The following MGAT4C variants were observed in gnomAD, a reference collection of about 807,000 sequenced individuals.
The protein encoded by MGAT4C is alpha-1,3-mannosyl-glycoprotein 4-beta-N-acetylglucosaminyltransferase C.
MGAT4C carries 19 observed loss-of-function variants against 40.1 expected under a neutral mutation model. The observed-to-expected ratio is 0.47, with a 90% confidence interval of 0.33 to 0.70. The LOEUF is 0.70. Among genes scored for constraint, MGAT4C ranks in the 30% least tolerant of loss-of-function variants. The pLI is 0.02. For missense variants in MGAT4C, 491 were observed against 563.2 expected (o/e 0.87, Z 1.30); for synonymous variants, 181 against 187.1 (o/e 0.97, Z 0.27).
chr12:86,169,401 A>G (rs534466984), intron 1 of MGAT4C, among the ~76,000 whole-genome samples: 46 of 152,214 alleles, frequency 3.0e-4, no homozygotes, highest in African/African-American at 1.0e-3. Flanking sequence ...TATAGCCACC[A>G]TCTAGTTATC....
intron 1 of MGAT4C, among the ~76,000 whole-genome samples, chr12:86,170,671 G>C (rs1177843070): frequency 6.6e-6 from 1 of 152,150 alleles, no homozygotes; most frequent in Non-Finnish European, 1.5e-5. Context: ...TGGTTATATA[G>C]GTTGGGCACA....
At chr12:86,224,475 T>C (rs1393947498) in intron 1 of MGAT4C, among the ~76,000 whole-genome samples, 1 of 152,154 alleles carries the variant, frequency 6.6e-6, no homozygotes, top group African/African-American at 2.4e-5. Context: ...TTAGAAAACA[T>C]TCTATCCCAA....
chr12:86,001,337 G>A (rs2136774902), intron 2 of MGAT4C, among the ~76,000 whole-genome samples: 1 of 152,232 alleles, frequency 6.6e-6, no homozygotes, highest in South Asian at 2.1e-4. Context: ...AATACCCCAT[G>A]GCAGTAGACC....
chr12:86,700,291 C>T (rs534444044), intron 2 of MGAT4C, among the ~76,000 whole-genome samples: 2 of 152,004 alleles, frequency 1.3e-5, no homozygotes, highest in East Asian at 3.9e-4. Context: ...TTTGAAGTCG[C>T]TTAATATATT....
intron 4 of MGAT4C, among the ~76,000 whole-genome samples, chr12:86,265,942 A>G (rs1193119701): frequency 6.6e-6 from 1 of 152,140 alleles, no homozygotes; most frequent in Non-Finnish European, 1.5e-5. Context: ...TCTCAGCTAA[A>G]TTGTTGCTGG....
chr12:86,066,675 A>G (rs533807178), intron 1 of MGAT4C, among the ~76,000 whole-genome samples: 7 of 152,320 alleles, frequency 4.6e-5, no homozygotes, highest in East Asian at 1.9e-4. Context: ...CTAAAACACC[A>G]AAAGAAATGG....
intron 2 of MGAT4C, among the ~76,000 whole-genome samples, chr12:86,460,760 A>C (rs1199487279): frequency 6.6e-6 from 1 of 152,102 alleles, no homozygotes; most frequent in South Asian, 2.1e-4. Flanking sequence ...GTTGGTCATA[A>C]ATAGAGTTTG....
rs1172719534 is a variant in MGAT4C, at chr12:86,784,386, T to C, written c.-262+54280A>G. Among the ~76,000 whole-genome samples, 6 of 152,000 alleles carry C rather than the reference T, an allele frequency of 3.9e-5. No individual in the cohort carries two copies. The East Asian group carries it at 9.6e-4, about 24-fold the overall frequency. ...ATTACTCTTGTATTTTCCTATGAAT[T>C]GAGTATTGGGTTTAGCATAGAGAAT... On this transcript the variant is annotated intron_variant, in intron 1 of 7. Coordinates refer to the MGAT4C transcript ENST00000548651.
intron 1 of MGAT4C, among the ~76,000 whole-genome samples, chr12:86,826,041 C>G (rs1261192084): frequency 6.6e-6 from 1 of 151,382 alleles, no homozygotes; most frequent in Non-Finnish European, 1.5e-5. Flanking sequence ...AGGAATCCAG[C>G]AGAAAGTGAG....
intron 1 of MGAT4C, among the ~76,000 whole-genome samples, chr12:86,757,975 C>T (rs1317061592): frequency 6.6e-6 from 1 of 152,044 alleles, no homozygotes; most frequent in Non-Finnish European, 1.5e-5. Flanking sequence ...CATATAGTAT[C>T]CTGAGGGTGA....
chr12:86,740,892 T>A (rs1951058693), intron 1 of MGAT4C, among the ~76,000 whole-genome samples: 1 of 151,120 alleles, frequency 6.6e-6, no homozygotes, highest in African/African-American at 2.4e-5. Context: ...CATTTGCAGG[T>A]TTGTTACATG....
At chr12:86,748,026 G>C (rs566163505) in intron 1 of MGAT4C, among the ~76,000 whole-genome samples, 1 of 151,632 alleles carries the variant, frequency 6.6e-6, no homozygotes, top group South Asian at 2.1e-4. Context: ...AAGCAATTAG[G>C]AACCAAGCCC....
At chr12:86,070,365 C>CT (rs56304635) in intron 1 of MGAT4C, among the ~76,000 whole-genome samples, 2,430 of 151,850 alleles carry the variant, frequency 0.016, 29 homozygotes, top group Middle Eastern at 0.034. Context: ...AAACAGTAAT[C>CT]TTTTTTTTCC....
At chr12:86,221,715 A>C (rs1950882668) in intron 1 of MGAT4C, among the ~76,000 whole-genome samples, 1 of 152,158 alleles carries the variant, frequency 6.6e-6, no homozygotes, top group Non-Finnish European at 1.5e-5. Context: ...TATAAAACAA[A>C]TACCTAGCTG....
chr12:86,795,334 C>G (rs1001093411), intron 1 of MGAT4C, among the ~76,000 whole-genome samples: 1 of 151,890 alleles, frequency 6.6e-6, no homozygotes, highest in African/African-American at 2.4e-5. Context: ...GCTGTAGTTA[C>G]ACTTGTGAAA....
At chr12:86,114,343 G>T (rs1271164187) in intron 1 of MGAT4C, among the ~76,000 whole-genome samples, 1 of 151,838 alleles carries the variant, frequency 6.6e-6, no homozygotes, top group Non-Finnish European at 1.5e-5. Flanking sequence ...ATTGTGATCT[G>T]AGTAGAGGGA....
intron 2 of MGAT4C, among the ~76,000 whole-genome samples, chr12:86,632,544 G>A (rs1963088866): frequency 6.6e-6 from 1 of 152,092 alleles, no homozygotes. Context: ...AAGAAAATGG[G>A]CACATATATA....
intron 1 of MGAT4C, among the ~76,000 whole-genome samples, chr12:86,189,790 C>G (rs1443021249): frequency 6.6e-6 from 1 of 151,890 alleles, no homozygotes; most frequent in Admixed American, 6.6e-5. Flanking sequence ...CATGGGTAGT[C>G]TTGTAGTTCA....
intron 3 of MGAT4C, 98 bp from the exon 4 acceptor site, chr12:85,983,768 A>G (rs1195918273): frequency 1.0e-6 from 1 of 971,648 alleles, no homozygotes; most frequent in Non-Finnish European, 1.5e-6. Context: ...CGACTACAAT[A>G]TATAGTATGC....
Sources: gnomAD v4.1 joint callset for allele counts (sites outside exome capture counted in the v4.1 genomes callset) on GRCh38, gnomAD v4.1.1 for gene constraint, MANE v1.5 for transcripts, NCBI Gene and HGNC (gene_info 2026-07-23, HGNC 2026-07-21) for gene names.